Variants in ARHGAP6 observed in about 807,000 individuals in gnomAD.
The protein encoded by ARHGAP6 is rho GTPase-activating protein 6.
ARHGAP6 carries 16 observed loss-of-function variants against 55.7 expected under a neutral mutation model. That is an observed-to-expected ratio of 0.29 (90% CI 0.19 to 0.44). The LOEUF (loss-of-function observed/expected upper bound fraction) is 0.44, where lower values mean the gene tolerates loss of function less well. ARHGAP6 is among the 20% of genes least tolerant of loss of function. ARHGAP6 has a pLI of 1.00. For synonymous variants in ARHGAP6, 382 were observed against 360.9 expected (o/e 1.06, Z -0.66); for missense variants, 698 against 808.9 (o/e 0.86, Z 1.66).
intron 1 of ARHGAP6, among the ~76,000 whole-genome samples, chrX:11,279,599 G>T (rs1449973300): frequency 9.0e-6 from 1 of 110,686 alleles, no homozygotes; most frequent in African/African-American, 3.3e-5. Flanking sequence ...TGTTTTTTCA[G>T]ATATGCATTA....
intron 1 of ARHGAP6, among the ~76,000 whole-genome samples, chrX:11,444,740 A>G (rs756339827): frequency 0.11 from 12,731 of 111,613 alleles, 655 homozygotes; most frequent in Admixed American, 0.2. Context: ...TCAAGGGCAT[A>G]TTACTACCTG....
intron 1 of ARHGAP6, among the ~76,000 whole-genome samples, chrX:11,416,528 G>GGT (rs2147771884): frequency 9.0e-6 from 1 of 111,086 alleles, no homozygotes; most frequent in East Asian, 2.8e-4. Flanking sequence ...CCGATGATAA[G>GGT]GTTTCACTCT....
At chrX:11,286,147 C>T (rs1053963602) in intron 1 of ARHGAP6, among the ~76,000 whole-genome samples, 4 of 112,150 alleles carry the variant, frequency 3.6e-5, no homozygotes, top group African/African-American at 1.3e-4. Flanking sequence ...GTAAAGACCA[C>T]TGGCATATAC....
chrX:11,409,806 G>A (rs889845020), intron 1 of ARHGAP6, among the ~76,000 whole-genome samples: 2 of 112,293 alleles, frequency 1.8e-5, no homozygotes, highest in Non-Finnish European at 1.9e-5. Flanking sequence ...TGGCTAGGAT[G>A]GCTACTATCA....
At chrX:11,394,294 T>C (rs918179821) in intron 1 of ARHGAP6, among the ~76,000 whole-genome samples, 1 of 111,868 alleles carries the variant, frequency 8.9e-6, no homozygotes, top group African/African-American at 3.3e-5. Flanking sequence ...ACATGTCATG[T>C]TGTATGGTTC....
rs145094355 is a variant in ARHGAP6 at position 11,195,169 on chromosome X, T to A, written c.820+1756A>T. 8.6e-3 allele frequency among the ~76,000 whole-genome samples: 952 copies of A among 110,599 alleles called. 1 individual carries two copies. Among genetic ancestry groups the A allele is most frequent in the South Asian group, 0.022 (57 of 2,581 alleles). The stretch of plus-strand genomic sequence containing the variant: ...GAGTTCAAGACCAGCCTGGCCAACA[T>A]GGTGAAAGCCCGTCTCTACTAAGAA... On this transcript the variant is annotated intron_variant, in intron 3 of 12. Coordinates refer to ENST00000337414, the MANE Select transcript of ARHGAP6 (RefSeq NM_013427.3).
intron 1 of ARHGAP6, among the ~76,000 whole-genome samples, chrX:11,304,299 A>G (rs2048209093): frequency 9.0e-6 from 1 of 110,602 alleles, no homozygotes; most frequent in African/African-American, 3.3e-5. Flanking sequence ...CATGTTGGCC[A>G]GGCTGGTCTT....
At chrX:11,633,085 GCTT>G (rs2052378300) in intron 1 of ARHGAP6, among the ~76,000 whole-genome samples, 1 of 111,995 alleles carries the variant, frequency 8.9e-6, no homozygotes, top group Non-Finnish European at 1.9e-5. Context: ...CCCTTGCTTG[GCTT>G]CTTCCCCTTC....
At position 11,139,065 on chromosome X, in the gene ARHGAP6, G is replaced by A. The variant is rs768446501; in HGVS notation, c.2723C>T (p.Thr908Met). 5 of 1,205,283 alleles carry A rather than the reference G, an allele frequency of 4.1e-6. No individual in the cohort carries two copies. The highest frequency in any genetic ancestry group is 3.5e-5 in the African/African-American group (2 of 57,880). ...CTCGGCTGCTTGGCCTCCCTGGTCC[G>A]TGGGTGTCTCCACGCCTTCCGGGGG... Reference protein sequence around the residue: ...QGPPEGVETPTDQGGQAAERE... With the variant: ...QGPPEGVETPMDQGGQAAERE... Residue 908 changes from threonine to methionine, a missense_variant, in exon 13 of 13, where the codon ACG (threonine) becomes ATG (methionine). Coordinates refer to ENST00000337414, the MANE Select transcript of ARHGAP6 (RefSeq NM_013427.3).
At chrX:11,318,293 A>G (rs1370433859) in intron 1 of ARHGAP6, among the ~76,000 whole-genome samples, 1 of 112,313 alleles carries the variant, frequency 8.9e-6, no homozygotes, top group Non-Finnish European at 1.9e-5. Flanking sequence ...AATTTATTTT[A>G]CTGTTTTATA....
intron 1 of ARHGAP6, among the ~76,000 whole-genome samples, chrX:11,517,678 C>A (rs2050857631): frequency 9.0e-6 from 1 of 111,406 alleles, no homozygotes; most frequent in Admixed American, 9.6e-5. Flanking sequence ...ATGGATGGAA[C>A]TGGAGCTGGA....
chrX:11,297,706 G>A lies in ARHGAP6; in HGVS notation c.589-42999C>T, dbSNP rs550452317. On this transcript the variant is annotated intron_variant, in intron 1 of 12. Transcript: ENST00000337414. ...AAATGTTAGTAAGATTTTGAGGCAAGATTTTCTGTTGAACCGAAAAGATTG... is the reference window on the plus strand; with the variant it reads ...AAATGTTAGTAAGATTTTGAGGCAAAATTTTCTGTTGAACCGAAAAGATTG... 5.4e-5 allele frequency among the ~76,000 whole-genome samples: 6 copies of A among 112,102 alleles called. No individual in the cohort carries two copies. The South Asian group carries it at 2.2e-3, about 42-fold the overall frequency.
intron 1 of ARHGAP6, among the ~76,000 whole-genome samples, chrX:11,620,759 G>T (rs5978452): frequency 0.14 from 15,632 of 111,348 alleles, 999 homozygotes; most frequent in Middle Eastern, 0.23. Flanking sequence ...CATTTTTGGT[G>T]GTCATAACTG....
intron 1 of ARHGAP6, among the ~76,000 whole-genome samples, chrX:11,488,103 T>C (rs1466198713): frequency 1.8e-5 from 2 of 112,009 alleles, no homozygotes; most frequent in East Asian, 5.6e-4. Context: ...AGTCAAAAAA[T>C]ACTGAAGAAC....
intron 1 of ARHGAP6, chrX:11,367,836 G>A (rs1407341236): frequency 2.7e-6 from 2 of 747,105 alleles, no homozygotes; most frequent in Non-Finnish European, 3.2e-6. Flanking sequence ...TCCAGATGAA[G>A]GAAACAAAAC....
At chrX:11,638,878 T>A (rs1013371674) in intron 1 of ARHGAP6, among the ~76,000 whole-genome samples, 1 of 111,937 alleles carries the variant, frequency 8.9e-6, no homozygotes, top group African/African-American at 3.2e-5. Context: ...TTAGAGTGAA[T>A]AAGACCTAAT....
In ARHGAP6 at chrX:11,268,411, A is replaced by G. The variant is rs758036535; in HGVS notation, c.589-13704T>C. Reference sequence around the variant, plus strand: ...ACTGAGCATGTATTAGGTGCTAAGCACTTCATGTGTGCCATGTATTCACTG... The same window carrying G: ...ACTGAGCATGTATTAGGTGCTAAGCGCTTCATGTGTGCCATGTATTCACTG... On this transcript the variant is annotated intron_variant, in intron 1 of 12. Transcript: ENST00000337414. Among the ~76,000 whole-genome samples the G allele has an allele frequency of 3.6e-5, 4 of 112,044 alleles. No homozygotes were observed. The South Asian group carries it at 1.5e-3, about 41-fold the overall frequency.
At chrX:11,610,527 G>C (rs1337218378) in intron 1 of ARHGAP6, among the ~76,000 whole-genome samples, 1 of 111,845 alleles carries the variant, frequency 8.9e-6, no homozygotes, top group African/African-American at 3.3e-5. Context: ...TATGGAGGAA[G>C]TGCCCATGGT....
intron 1 of ARHGAP6, among the ~76,000 whole-genome samples, chrX:11,420,593 T>TC (rs775343348): frequency 9.0e-6 from 1 of 111,558 alleles, no homozygotes; most frequent in Non-Finnish European, 1.9e-5. Flanking sequence ...CCTGGGCTGC[T>TC]CAGGAGATTT....
Sources: gnomAD v4.1 joint callset for allele counts (sites outside exome capture counted in the v4.1 genomes callset) on GRCh38, gnomAD v4.1.1 for gene constraint, MANE v1.5 for transcripts, NCBI Gene and HGNC (gene_info 2026-07-23, HGNC 2026-07-21) for gene names.